Variants in HELLS observed in about 807,000 individuals in gnomAD.
HELLS encodes helicase, lymphoid specific, also known as lymphoid-specific helicase.
Under a neutral mutation model 120.0 loss-of-function variants are expected in HELLS, and 32 were observed. The observed-to-expected ratio is 0.27, with a 90% confidence interval of 0.20 to 0.36. HELLS has a LOEUF of 0.36. HELLS is among the 10% of genes least tolerant of loss of function. The pLI is 1.00. For missense variants in HELLS, 650 were observed against 993.4 expected, an observed-to-expected ratio of 0.65 and a Z score of 4.65; for synonymous variants, 341 against 323.4, an observed-to-expected ratio of 1.05 and a Z score of -0.58.
At chr10:94,567,557 A>G (rs1843882908) in intron 6 of HELLS, among the ~76,000 whole-genome samples, 1 of 152,130 alleles carries the variant, frequency 6.6e-6, no homozygotes, top group Non-Finnish European at 1.5e-5. Context: ...CTTGGCCCCC[A>G]AAGTGCTGAG....
chr10:94,552,262 A>G (rs1843018478), intron 2 of HELLS, among the ~76,000 whole-genome samples: 1 of 152,236 alleles, frequency 6.6e-6, no homozygotes, highest in Non-Finnish European at 1.5e-5. Flanking sequence ...AAAATGAAAC[A>G]TATCTACTAT....
rs1844314428 is a variant in HELLS, at chr10:94,574,010, T to C, written c.528T>C (p.Asn176=). ...TCTGTGTGGAAGATCTTCAGAAAAA[T>C]AAAGATTCGAATAGTATAATTAAAG... ...TNLCVEDLQK[N]KDSNSIIKDR... Residue 176 remains asparagine (N), a synonymous_variant, in exon 8 of 22, where the codon AAT becomes AAC. Coordinates refer to ENST00000348459, the MANE Select transcript of HELLS (RefSeq NM_018063.5). 2 of 1,611,322 alleles carry C rather than the reference T, an allele frequency of 1.2e-6. No homozygotes were observed. Among genetic ancestry groups the C allele is most frequent in the African/African-American group, 2.7e-5 (2 of 74,904 alleles).
At chr10:94,580,184 CAT>C (rs1491323131) in intron 10 of HELLS, among the ~76,000 whole-genome samples, 34 of 77,520 alleles carry the variant, frequency 4.4e-4, no homozygotes, top group Admixed American at 7.8e-4. Flanking sequence ...CACACACACA[CAT>C]TTTTTTTTTT....
chr10:94,558,389 G>T (rs1016055919), intron 4 of HELLS, among the ~76,000 whole-genome samples, 194 bp downstream of exon 4: 1 of 152,082 alleles, frequency 6.6e-6, no homozygotes, highest in Admixed American at 6.6e-5. Context: ...GCCAAAGTAT[G>T]GTCCACTTTA....
exon 10 of HELLS, chr10:94,610,245 C>T (rs1846176020): frequency 6.6e-6 from 1 of 151,934 alleles, no homozygotes; most frequent in African/African-American, 2.4e-5. Context: ...AGTAATAAAG[C>T]TAGAAAAACC....
At chr10:94,556,472 T>C (rs1033661878) in intron 3 of HELLS, among the ~76,000 whole-genome samples, 1 of 152,220 alleles carries the variant, frequency 6.6e-6, no homozygotes, top group Non-Finnish European at 1.5e-5. Flanking sequence ...TGACATACAC[T>C]AAACTGCACA....
chr10:94,590,915 C>G (rs984108569), intron 15 of HELLS, 139 bp downstream of exon 15: 7 of 485,730 alleles, frequency 1.4e-5, no homozygotes, highest in Non-Finnish European at 2.4e-5. Flanking sequence ...CTTCAGTAAG[C>G]TGAGACAGTC....
At chr10:94,556,560 C>A (rs1261810911) in intron 3 of HELLS, among the ~76,000 whole-genome samples, 2 of 152,124 alleles carry the variant, frequency 1.3e-5, no homozygotes, top group Non-Finnish European at 2.9e-5. Context: ...AGTGGACATA[C>A]CCACTGATTC....
intron 17 of HELLS, 87 bp from the exon 18 acceptor site, chr10:94,593,412 A>G: frequency 1.3e-6 from 1 of 783,862 alleles, no homozygotes; most frequent in Non-Finnish European, 2.2e-6. Context: ...TAAGTCTTTA[A>G]TAGTTGTAAT....
chr10:94,563,571 C>G (rs532876161), intron 6 of HELLS, among the ~76,000 whole-genome samples: 1 of 151,998 alleles, frequency 6.6e-6, no homozygotes, highest in Non-Finnish European at 1.5e-5. Flanking sequence ...ACTGCAGCCT[C>G]GACCTCATGG....
chr10:94,569,213 C>T (rs539249020), intron 6 of HELLS: 2 of 148,016 alleles, frequency 1.4e-5, no homozygotes, highest in African/African-American at 2.5e-5. Context: ...GGTGGAGTCT[C>T]GCACTGTCAC....
At chr10:94,550,310 C>T (rs191921501) in intron 2 of HELLS, among the ~76,000 whole-genome samples, 81 of 151,882 alleles carry the variant, frequency 5.3e-4, no homozygotes, top group African/African-American at 1.7e-3. Context: ...ACGGAGTCTC[C>T]CTCTGTCACC....
intron 13 of HELLS, 22 bp downstream of exon 13, chr10:94,588,412 C>T: frequency 6.7e-7 from 1 of 1,497,632 alleles, no homozygotes; most frequent in Non-Finnish European, 9.0e-7. Flanking sequence ...TTGAAATGTA[C>T]TGTAAATGAA....
At chr10:94,585,025 A>G (rs1845051177) in intron 12 of HELLS, among the ~76,000 whole-genome samples, 1 of 151,992 alleles carries the variant, frequency 6.6e-6, no homozygotes, top group Admixed American at 6.5e-5. Context: ...TCGCTAGTAT[A>G]TTTTCTTAAC....
chr10:94,589,861 T>C (rs1174144529), intron 13 of HELLS, among the ~76,000 whole-genome samples: 1 of 151,930 alleles, frequency 6.6e-6, no homozygotes, highest in Non-Finnish European at 1.5e-5. Context: ...TAATTTTTTC[T>C]ATTTTTGAGT....
intron 6 of HELLS, among the ~76,000 whole-genome samples, chr10:94,568,190 G>A (rs981569184): frequency 2.0e-5 from 3 of 150,028 alleles, no homozygotes; most frequent in African/African-American, 4.9e-5. Flanking sequence ...TTACAGGCGT[G>A]AGCCACCGCG....
chr10:94,553,791 G>A (rs1843105019), intron 2 of HELLS, among the ~76,000 whole-genome samples: 1 of 150,984 alleles, frequency 6.6e-6, no homozygotes, highest in Admixed American at 6.6e-5. Flanking sequence ...CAGGTGATCC[G>A]CCTGCTTTGG....
In HELLS at chr10:94,554,725, GAA is replaced by G. The variant is rs569158110; in HGVS notation, c.276+479_276+480del. ...AGGTAGCTTCAGGATGGGAGCCTAA[GAA>G]AGACAAAACCTGGATTAGAGGGTTG... On this transcript the variant is annotated intron_variant, in intron 3 of 21. Transcript: ENST00000348459. 2.8e-5 allele frequency among the ~76,000 whole-genome samples: 4 copies of G among 144,676 alleles called. No homozygotes were observed. In the East Asian group the frequency reaches 8.5e-4, roughly 31 times the overall value. 94.9% of individuals were successfully genotyped at this position (144,676 alleles called of 152,430 possible).
chr10:94,583,134 T>C, intron 12 of HELLS, 75 bp downstream of exon 12: 1 of 688,356 alleles, frequency 1.5e-6, no homozygotes, highest in South Asian at 2.4e-5. Context: ...ATCACCTGTC[T>C]AACCCTTTGT....
Sources: gnomAD v4.1 joint callset for allele counts (sites outside exome capture counted in the v4.1 genomes callset) on GRCh38, gnomAD v4.1.1 for gene constraint, MANE v1.5 for transcripts, NCBI Gene and HGNC (gene_info 2026-07-23, HGNC 2026-07-21) for gene names.